The following TMPRSS9 variants were observed in gnomAD, a reference collection of about 807,000 sequenced individuals.
TMPRSS9 encodes transmembrane serine protease 9.
Under a neutral mutation model 111.4 loss-of-function variants are expected in TMPRSS9, and 113 were observed. That is an observed-to-expected ratio of 1.01 (90% CI 0.87 to 1.19). The LOEUF is 1.19. TMPRSS9 is among the 50% of genes most tolerant of loss of function. The pLI, the probability that TMPRSS9 is intolerant of heterozygous loss-of-function variation, is 0.00. For synonymous variants in TMPRSS9, 805 were observed against 659.1 expected (o/e 1.22, Z -3.39); for missense variants, 1,803 against 1,513.1 (o/e 1.19, Z -3.18).
intron 6 of TMPRSS9, among the ~76,000 whole-genome samples, chr19:2,403,705 A>T (rs931554946): frequency 6.6e-6 from 1 of 151,868 alleles, no homozygotes; most frequent in Non-Finnish European, 1.5e-5. Context: ...AAAAAAAAAA[A>T]AAAATTGGCC....
At chr19:2,425,296 G>C (rs62122267) in intron 16 of TMPRSS9, 29 bp downstream of exon 17, 226,072 of 1,212,222 alleles carry the variant, frequency 0.19, 21,597 homozygotes, top group Middle Eastern at 0.21. Flanking sequence ...GCGGTGGTGC[G>C]GGGCTCGGGG....
exon 18 of TMPRSS9, chr19:2,426,193 G>A (rs1368257117): frequency 3.4e-6 from 3 of 880,394 alleles, no homozygotes; most frequent in Admixed American, 4.1e-5. Flanking sequence ...GGGTGTGGGG[G>A]GGCTGTGGGT....
At chr19:2,393,097 G>T (rs1970632965) in intron 1 of TMPRSS9, among the ~76,000 whole-genome samples, 1 of 152,214 alleles carries the variant, frequency 6.6e-6, no homozygotes, top group Admixed American at 6.5e-5. Flanking sequence ...CAATCAGGAG[G>T]ATGTGGGTGG....
At chr19:2,365,629 A>AC (rs896866806) in intron 1 of TMPRSS9, among the ~76,000 whole-genome samples, 79 of 152,012 alleles carry the variant, frequency 5.2e-4, no homozygotes, top group African/African-American at 1.8e-3. Context: ...AACAAAAAAA[A>AC]CAAAAAAACT....
intron 1 of TMPRSS9, among the ~76,000 whole-genome samples, chr19:2,393,997 T>G (rs1052534415): frequency 2.0e-5 from 3 of 151,192 alleles, no homozygotes; most frequent in Admixed American, 6.6e-5. Flanking sequence ...GGTCAGGAGA[T>G]TGAAACCATC....
At chr19:2,376,517 T>C (rs1052179523) in intron 1 of TMPRSS9, among the ~76,000 whole-genome samples, 1 of 152,084 alleles carries the variant, frequency 6.6e-6, no homozygotes, top group Non-Finnish European at 1.5e-5. Context: ...TGAAGTGCAG[T>C]GGCACGACCT....
intron 7 of TMPRSS9, 117 bp from the exon 9 acceptor site, chr19:2,408,239 A>T: frequency 1.0e-6 from 1 of 999,976 alleles, no homozygotes; most frequent in South Asian, 1.6e-5. Context: ...AATACTATTC[A>T]TAAATATTAA....
At chr19:2,416,656 A>G in exon 12 of TMPRSS9, 1 of 1,613,082 alleles carries the variant, frequency 6.2e-7, no homozygotes, top group Non-Finnish European at 8.5e-7. Flanking sequence ...CAACCCTGGC[A>G]TCCTGGACTT....
At chr19:2,367,762 A>G (rs1318739871) in intron 1 of TMPRSS9, among the ~76,000 whole-genome samples, 1 of 151,052 alleles carries the variant, frequency 6.6e-6, no homozygotes, top group Non-Finnish European at 1.5e-5. Flanking sequence ...ATGGGGTTTC[A>G]CTGTGTTAGC....
intron 10 of TMPRSS9, among the ~76,000 whole-genome samples, chr19:2,414,384 C>A (rs964350161): frequency 3.3e-5 from 5 of 151,926 alleles, no homozygotes; most frequent in Non-Finnish European, 7.4e-5. Flanking sequence ...GGATTACAGG[C>A]ACAGGCCACC....
intron 9 of TMPRSS9, among the ~76,000 whole-genome samples, chr19:2,412,412 T>C (rs1300370172): frequency 6.6e-6 from 1 of 152,012 alleles, no homozygotes; most frequent in East Asian, 1.9e-4. Context: ...TCAAACAAAA[T>C]TGAAAATTTA....
chr19:2,378,868 GAGA>G (rs777672388), intron 1 of TMPRSS9, among the ~76,000 whole-genome samples: 2 of 152,196 alleles, frequency 1.3e-5, no homozygotes, highest in African/African-American at 2.4e-5. Flanking sequence ...CGGTAGGAGA[GAGA>G]AGAATGAAAG....
At chr19:2,417,443 G>A (rs1971270542) in intron 12 of TMPRSS9, among the ~76,000 whole-genome samples, 1 of 150,496 alleles carries the variant, frequency 6.6e-6, no homozygotes, top group Non-Finnish European at 1.5e-5. Flanking sequence ...TCCAGCCTGG[G>A]TGACAGAGCG....
Position 2,403,796 on chromosome 19 carries a change from A to G in TMPRSS9, c.670+601A>G, listed in dbSNP as rs549112037. On this transcript the variant is annotated intron_variant, in intron 6 of 17. Coordinates refer to ENST00000648592, the Ensembl canonical transcript of TMPRSS9. ...ATCACGAGGTCAGGAGATCGAGACC[A>G]TCGTGGCTAACACGGTGAAACCCCC... Among the ~76,000 whole-genome samples the G allele has an allele frequency of 1.2e-4, 19 of 152,056 alleles. 1 individual carries two copies. The East Asian group carries it at 3.7e-3, about 29-fold the overall frequency.
intron 1 of TMPRSS9, among the ~76,000 whole-genome samples, chr19:2,362,972 T>A (rs941622224): frequency 6.7e-5 from 10 of 148,948 alleles, no homozygotes; most frequent in Non-Finnish European, 1.3e-4. Flanking sequence ...TGGTTGTGTG[T>A]GCAAATCCCC....
At chr19:2,371,260 C>T (rs1034282654) in intron 1 of TMPRSS9, among the ~76,000 whole-genome samples, 3 of 152,224 alleles carry the variant, frequency 2.0e-5, no homozygotes, top group Non-Finnish European at 4.4e-5. Context: ...CACTCGTTCA[C>T]AGTCACTCGT....
At chr19:2,414,941 ATTTT>A (rs909082554) in intron 10 of TMPRSS9, among the ~76,000 whole-genome samples, 4 of 127,150 alleles carry the variant, frequency 3.1e-5, no homozygotes, top group Admixed American at 8.2e-5. Context: ...TTGCATTCCT[ATTTT>A]TTTTTTTTTT....
rs199844209 is a variant in TMPRSS9 at position 2,425,411 on chromosome 19, C to T, written c.3038C>T (p.Thr1013Ile). ...GCCGTGCGCCTCCTCAGCGAGCAGACCTGCCGCCGCTTCTACCCAGTGCAG... is the reference window on the plus strand; with the variant it reads ...GCCGTGCGCCTCCTCAGCGAGCAGATCTGCCGCCGCTTCTACCCAGTGCAG... Residue 1013 changes from threonine (T) to isoleucine (I), a missense_variant, in exon 17 of 18, where the codon ACC becomes ATC. Coordinates refer to ENST00000648592, the Ensembl canonical transcript of TMPRSS9. 9.5e-6 allele frequency: 15 copies of T among 1,575,608 alleles called. 1 individual carries two copies. The highest frequency in any genetic ancestry group is 2.7e-5 in the African/African-American group (2 of 73,820).
Position 2,425,352 on chromosome 19 carries a change from CG to C in TMPRSS9, c.2984-4del. 1 of 1,490,952 alleles carries C rather than the reference CG, an allele frequency of 6.7e-7. No individual in the cohort carries two copies. Among genetic ancestry groups the C allele is most frequent in the Non-Finnish European group, 8.9e-7 (1 of 1,126,674 alleles). 92.4% of individuals were successfully genotyped at this position (1,490,952 alleles called of 1,614,324 possible). A position where few individuals can be genotyped will look rare whatever the true frequency, so the allele number is the denominator to read the frequency against. On this transcript the variant is annotated splice_polypyrimidine_tract_variant and splice_region_variant and intron_variant, in intron 16 of 17. Transcript: ENST00000648592. ...ACCCGCCCCGTCTCGCTCGCCCGCC[CG>C]CAGGCTCCATGGCGCGGCAGCTGCA... is the stretch of plus-strand genomic sequence containing the variant.
Sources: allele counts gnomAD v4.1 joint callset (sites outside exome capture counted in the v4.1 genomes callset), GRCh38; gene constraint gnomAD v4.1.1; transcripts MANE v1.5; gene names NCBI Gene and HGNC (gene_info 2026-07-23, HGNC 2026-07-21).